Variants in NAV1 observed in about 807,000 individuals in gnomAD.
NAV1 encodes the protein neuron navigator 1.
NAV1 carries 18 observed loss-of-function variants against 175.2 expected under a neutral mutation model. The observed-to-expected ratio is 0.10, with a 90% CI of 0.07 to 0.15. The LOEUF is 0.15. Ranked by LOEUF, NAV1 falls within the 10% of genes least tolerant of loss-of-function variation. The pLI is 1.00. For synonymous variants in NAV1, 897 were observed against 978.7 expected (o/e 0.92, Z 1.56); for missense variants, 1,731 against 2,436.6 (o/e 0.71, Z 6.10).
At chr1:201,762,431 G>C (rs144744884) in intron 3 of NAV1, among the ~76,000 whole-genome samples, 38 of 152,296 alleles carry the variant, frequency 2.5e-4, no homozygotes, top group African/African-American at 9.1e-4. Flanking sequence ...TTTTTGTATG[G>C]CCTGCAAGCT....
Position 201,750,461 on chromosome 1 carries a change from C to T in NAV1, c.1227-29960C>T, listed in dbSNP as rs1319493554. Reference sequence around the variant, plus strand: ...AGAGCAGCCCTGTGTTTACCTGTTTCATACATTGAGGACTTCTGGTTAAAA... The same window carrying T: ...AGAGCAGCCCTGTGTTTACCTGTTTTATACATTGAGGACTTCTGGTTAAAA... On this transcript the variant is annotated intron_variant, in intron 3 of 29. Coordinates refer to ENST00000367296, the Ensembl canonical transcript of NAV1. This position sits in a 1 kb window ranked among gnomAD's most constrained non-coding sequence, Gnocchi z 4.1. Among the ~76,000 whole-genome samples the T allele has an allele frequency of 2.6e-5, 4 of 152,084 alleles. No homozygotes were observed. In the East Asian group the frequency reaches 7.7e-4, roughly 29 times the overall value.
intron 3 of NAV1, among the ~76,000 whole-genome samples, chr1:201,735,218 T>C (rs983421054): frequency 2.6e-5 from 4 of 152,166 alleles, no homozygotes; most frequent in African/African-American, 9.7e-5. Context: ...AGTGGTGCCA[T>C]TGACTGGTAA....
chr1:201,781,411 A>G (rs979861866), intron 5 of NAV1, 102 bp downstream of exon 9: 1 of 1,185,190 alleles, frequency 8.4e-7, no homozygotes, highest in Non-Finnish European at 1.2e-6. Flanking sequence ...AAACATTTGC[A>G]TAGTGCTTTA....
In NAV1 at chr1:201,782,017, C is replaced by G. The variant is rs1001522129; in HGVS notation, c.1664-159C>G. Among the ~76,000 whole-genome samples, 2 of 152,082 alleles carry G rather than the reference C, an allele frequency of 1.3e-5. No individual in the cohort carries two copies. Among genetic ancestry groups the G allele is most frequent in the Non-Finnish European group, 2.9e-5 (2 of 68,004 alleles). On this transcript the variant is annotated intron_variant, in intron 5 of 29. Coordinates refer to ENST00000367296, the Ensembl canonical transcript of NAV1. The surrounding 1 kb of genome is among the most constrained non-coding windows in gnomAD (Gnocchi z 5.4). Reference sequence around the variant, plus strand: ...CAGCCAGAGTCTTTCAGACAAGAAACTTTATCAGCTTATCTTGTACCTGTT... The same window carrying G: ...CAGCCAGAGTCTTTCAGACAAGAAAGTTTATCAGCTTATCTTGTACCTGTT...
At chr1:201,604,680 GA>G (rs747665244) in intron 2 of NAV1, among the ~76,000 whole-genome samples, 3,069 of 52,530 alleles carry the variant, frequency 0.058, 39 homozygotes, top group African/African-American at 0.082. Flanking sequence ...GACTCTGTCA[GA>G]AAAAAAAAAA....
In NAV1 at chr1:201,642,557, T is replaced by TTTCTTTC. The variant is rs1571858664; in HGVS notation, c.5-6074_5-6073insTTTCTTC. ...TCTTTCTTTCTTTCTTTCTTTCTTT[T>TTTCTTTC]TTCCCTTTCTTCCCTTCCTTCTCTT... On this transcript the variant is annotated intron_variant, in intron 2 of 29. Transcript: ENST00000367302. Among the ~76,000 whole-genome samples the TTTCTTTC allele has an allele frequency of 5.2e-3, 552 of 106,074 alleles. 57 individuals carry two copies. The highest frequency in any genetic ancestry group is 0.02 in the African/African-American group (465 of 23,562). 69.6% of individuals were successfully genotyped at this position (106,074 alleles called of 152,430 possible). A position where few individuals can be genotyped will look rare whatever the true frequency, so the allele number is the denominator to read the frequency against.
chr1:201,787,774 G>C lies in NAV1; in HGVS notation c.2996-694G>C. 1 of 453,616 alleles carries C rather than the reference G, an allele frequency of 2.2e-6. No homozygotes were observed. Among genetic ancestry groups the C allele is most frequent in the South Asian group, 1.6e-5 (1 of 64,216 alleles). 28.1% of individuals were successfully genotyped at this position (453,616 alleles called of 1,614,324 possible). ...TCCCAGCAATGGGCAAAGGGGTAAG[G>C]CATCTGCAGGTTAACGGGATTCAGC... On this transcript the variant is annotated intron_variant, in intron 9 of 29. Transcript: ENST00000367296. This position sits in a 1 kb window ranked among gnomAD's most constrained non-coding sequence, Gnocchi z 4.3.
At chr1:201,805,265 T>A (rs1301653377) in intron 17 of NAV1, among the ~76,000 whole-genome samples, 2 of 152,070 alleles carry the variant, frequency 1.3e-5, no homozygotes, top group Non-Finnish European at 2.9e-5. Flanking sequence ...ATTATACATA[T>A]AAAATTAATA....
At chr1:201,586,587 C>G (rs558717442) in intron 1 of NAV1, among the ~76,000 whole-genome samples, 1 of 152,118 alleles carries the variant, frequency 6.6e-6, no homozygotes, top group East Asian at 1.9e-4. Flanking sequence ...AGGTGGCTGC[C>G]TTCTCCCTGG....
At chr1:201,671,211 C>T (rs541941216) in intron 1 of NAV1, among the ~76,000 whole-genome samples, 16 of 152,262 alleles carry the variant, frequency 1.1e-4, no homozygotes, top group African/African-American at 3.6e-4. Flanking sequence ...CCCTGCCTTC[C>T]GCGAGGGTAT....
At chr1:201,540,048 C>G (rs1665461920) in intron 1 of NAV1, among the ~76,000 whole-genome samples, 1 of 152,182 alleles carries the variant, frequency 6.6e-6, no homozygotes, top group African/African-American at 2.4e-5. Flanking sequence ...GGGCTCTGGT[C>G]CCTGCTAATC....
chr1:201,587,127 C>T (rs1228579036), intron 1 of NAV1, among the ~76,000 whole-genome samples: 3 of 151,950 alleles, frequency 2.0e-5, no homozygotes, highest in Non-Finnish European at 4.4e-5. Context: ...GGGAAGAAGG[C>T]TTGAGCATGG....
At chr1:201,579,381 A>G (rs1666782301) in intron 1 of NAV1, among the ~76,000 whole-genome samples, 1 of 152,116 alleles carries the variant, frequency 6.6e-6, no homozygotes, top group African/African-American at 2.4e-5. Context: ...TTTGAGACAG[A>G]GTCTTACTCT....
intron 1 of NAV1, among the ~76,000 whole-genome samples, chr1:201,571,568 T>A (rs953884292): frequency 6.6e-6 from 1 of 152,116 alleles, no homozygotes; most frequent in Non-Finnish European, 1.5e-5. Context: ...GACCACAGAG[T>A]GAGCACTCTG....
At chr1:201,771,286 A>G (rs532809233) in intron 3 of NAV1, among the ~76,000 whole-genome samples, 15 of 150,128 alleles carry the variant, frequency 1.0e-4, no homozygotes, top group Middle Eastern at 7.0e-3. Context: ...TGAAGCAGGC[A>G]GGTCACCTGA....
chr1:201,584,907 C>T (rs115388903), intron 1 of NAV1, among the ~76,000 whole-genome samples: 125 of 152,362 alleles, frequency 8.2e-4, no homozygotes, highest in African/African-American at 3.0e-3. Flanking sequence ...CCTGGCATCC[C>T]ACGGGAGAGG....
chr1:201,645,909 TAA>T, upstream of NAV1, among the ~76,000 whole-genome samples: 1 of 152,340 alleles, frequency 6.6e-6, no homozygotes, highest in South Asian at 2.1e-4. Flanking sequence ...GCATCTTGTA[TAA>T]ATTAGAGAAT....
chr1:201,712,200 CCA>C (rs1438579752), intron 1 of NAV1, among the ~76,000 whole-genome samples: 18 of 152,278 alleles, frequency 1.2e-4, no homozygotes, highest in Admixed American at 9.1e-4. Context: ...TAGAGCAACC[CCA>C]GATATTACCA....
intron 3 of NAV1, among the ~76,000 whole-genome samples, chr1:201,771,608 C>T (rs190549577): frequency 7.9e-5 from 12 of 152,024 alleles, no homozygotes; most frequent in Admixed American, 2.0e-4. Context: ...AGCCTAACAG[C>T]GGAAGGGACA....
Sources: allele counts gnomAD v4.1 joint callset (sites outside exome capture counted in the v4.1 genomes callset), GRCh38; gene constraint gnomAD v4.1.1; non-coding constraint Gnocchi (gnomAD v3.1); transcripts MANE v1.5; gene names NCBI Gene and HGNC (gene_info 2026-07-23, HGNC 2026-07-21).